Variants in GLS2 observed in about 807,000 individuals in gnomAD.
GLS2 encodes glutaminase 2.
GLS2 carries 52 observed loss-of-function variants against 79.0 expected under a neutral mutation model. The observed-to-expected ratio is 0.66, with a 90% confidence interval of 0.53 to 0.83. The LOEUF (loss-of-function observed/expected upper bound fraction) is 0.83, where lower values mean the gene tolerates loss of function less well. Among genes scored for constraint, GLS2 ranks in the 40% least tolerant of loss-of-function variants. The pLI is 0.00. For synonymous variants in GLS2, 238 were observed against 280.8 expected (o/e 0.85, Z 1.52); for missense variants, 561 against 764.8 (o/e 0.73, Z 3.14).
chr12:56,473,727 A>G, intron 12 of GLS2, 133 bp from the exon 13 acceptor site: 1 of 1,096,748 alleles, frequency 9.1e-7, no homozygotes, highest in Non-Finnish European at 1.3e-6. Context: ...TTGGCTTGTT[A>G]ATTAGCTTCT....
intron 1 of GLS2, among the ~76,000 whole-genome samples, chr12:56,481,407 C>A (rs1173521143): frequency 6.6e-6 from 1 of 150,724 alleles, no homozygotes; most frequent in East Asian, 2.0e-4. Context: ...GGGGTTTCAC[C>A]ATTTCGGTCA....
Position 56,471,038 on chromosome 12 carries a change from G to A in GLS2, c.*449C>T, listed in dbSNP as rs1013758534. 1 of 263,214 alleles carries A rather than the reference G, an allele frequency of 3.8e-6. No individual in the cohort carries two copies. Among genetic ancestry groups the A allele is most frequent in the African/African-American group, 2.2e-5 (1 of 45,564 alleles). 16.3% of individuals were successfully genotyped at this position (263,214 alleles called of 1,614,324 possible). A position where few individuals can be genotyped will look rare whatever the true frequency, so the allele number is the denominator to read the frequency against. On this transcript the variant is annotated 3_prime_UTR_variant, in exon 18 of 18. Transcript: ENST00000311966. ...TTAGCAGTAGCAGCAGCATGTCCTGGCCAAGGGGAGTAGATTTCTCCAGAC... is the reference window on the plus strand; with the variant it reads ...TTAGCAGTAGCAGCAGCATGTCCTGACCAAGGGGAGTAGATTTCTCCAGAC...
At chr12:56,477,525 C>T (rs1338780706) in intron 7 of GLS2, 135 bp downstream of exon 7, 2 of 823,890 alleles carry the variant, frequency 2.4e-6, no homozygotes, top group Non-Finnish European at 3.9e-6. Flanking sequence ...CCTGCTGTGC[C>T]TCATGTGCCT....
At position 56,471,452 on chromosome 12, in the gene GLS2, CT is replaced by C; in HGVS notation, c.*34del. On this transcript the variant is annotated 3_prime_UTR_variant, in exon 18 of 18. Transcript: ENST00000311966. ...GGATTACATGTGTGGCCAGCTCATG[CT>C]TTTTCTTGAGCAGGGGCTGTCCATG... The C allele has an allele frequency of 1.3e-6, 2 of 1,581,556 alleles. No homozygotes were observed. The highest frequency in any genetic ancestry group is 2.2e-5 in the East Asian group (1 of 44,604).
At chr12:56,484,563 C>T (rs988641347) in intron 1 of GLS2, among the ~76,000 whole-genome samples, 2 of 152,014 alleles carry the variant, frequency 1.3e-5, no homozygotes, top group East Asian at 1.9e-4. Flanking sequence ...AAGCTAATGC[C>T]TATAGGGGGG....
chr12:56,487,606 G>T, intron 1 of GLS2: 1 of 412,788 alleles, frequency 2.4e-6, no homozygotes, highest in Non-Finnish European at 4.3e-6. Flanking sequence ...GACTAGGGAA[G>T]GTGAGGACTG....
At chr12:56,473,856 G>A in intron 12 of GLS2, 1 of 388,070 alleles carries the variant, frequency 2.6e-6, no homozygotes, top group Non-Finnish European at 4.6e-6. Context: ...TTCCATTCTG[G>A]TGTTAGGAGA....
chr12:56,481,826 G>A (rs1870323276), intron 1 of GLS2, among the ~76,000 whole-genome samples: 1 of 151,622 alleles, frequency 6.6e-6, no homozygotes, highest in Non-Finnish European at 1.5e-5. Flanking sequence ...AGGAGTCAGA[G>A]GTTGCAGTGA....
At position 56,488,052 on chromosome 12, in the gene GLS2, A is replaced by G. The variant is rs1264405758; in HGVS notation, c.67T>C (p.Trp23Arg). ...RAGSHCGRGG[W>R]GHPSRSPLLG... ...AGGGGGCTCCGGCTCGGGTGACCCC[A>G]GCCTCCTCGCCCGCAGTGACTGCCA... Residue 23 changes from tryptophan (W) to arginine (R), a missense_variant, in exon 1 of 18, where the codon TGG (tryptophan) becomes CGG (arginine). Around this residue, in one of 4 missense-constraint regions of GLS2, gnomAD observed 161 missense variants for 167.8 expected, o/e 0.96. Transcript: ENST00000311966. 6.3e-7 allele frequency: 1 copy of G among 1,586,998 alleles called. No homozygotes were observed. The highest frequency in any genetic ancestry group is 8.5e-7 in the Non-Finnish European group (1 of 1,173,694).
intron 15 of GLS2, 194 bp downstream of exon 15, chr12:56,472,496 C>A: frequency 1.6e-6 from 1 of 617,664 alleles, no homozygotes; most frequent in Non-Finnish European, 2.8e-6. Context: ...CAATGGCTAA[C>A]ATTAATTATC....
At chr12:56,475,761 T>C in intron 8 of GLS2, 79 bp from the exon 9 acceptor site, 4 of 1,508,080 alleles carry the variant, frequency 2.7e-6, no homozygotes, top group Non-Finnish European at 3.7e-6. Context: ...CTAGCCCTTC[T>C]GAACTCAGGT....
At chr12:56,482,197 C>T (rs1430833866) in intron 1 of GLS2, among the ~76,000 whole-genome samples, 1 of 152,082 alleles carries the variant, frequency 6.6e-6, no homozygotes, top group Admixed American at 6.6e-5. Context: ...TGCCACTGCA[C>T]TCCAGCCTGG....
intron 1 of GLS2, among the ~76,000 whole-genome samples, chr12:56,481,586 A>C (rs1444252322): frequency 6.6e-6 from 1 of 151,690 alleles, no homozygotes; most frequent in Non-Finnish European, 1.5e-5. Flanking sequence ...TGCCTACAGA[A>C]TAAGCACTTG....
chr12:56,475,944 C>G lies in GLS2; in HGVS notation c.870+1G>C. The G allele has an allele frequency of 1.2e-6, 2 of 1,613,724 alleles. No individual in the cohort carries two copies. Among genetic ancestry groups the G allele is most frequent in the Non-Finnish European group, 1.7e-6 (2 of 1,179,946 alleles). ...AGGGGCTAAGTAGCAAGGGAACTTA[C>G]AAAATCAAACTTCTCTGCTTTGTTA... On this transcript the variant is annotated splice_donor_variant, in intron 8 of 17. Transcript: ENST00000311966. LOFTEE classifies it high-confidence loss of function.
chr12:56,473,719 G>T, intron 12 of GLS2, 125 bp from the exon 13 acceptor site: 2 of 1,215,816 alleles, frequency 1.6e-6, no homozygotes, highest in Non-Finnish European at 2.2e-6. Flanking sequence ...TCAACCTTTT[G>T]GCTTGTTAAT....
rs2136193867 is a variant in GLS2, at chr12:56,483,032, A to G, written c.183-2645T>C. 2.0e-5 allele frequency among the ~76,000 whole-genome samples: 3 copies of G among 152,128 alleles called. No homozygotes were observed. In the Middle Eastern group the frequency reaches 0.01, roughly 521 times the overall value. On this transcript the variant is annotated intron_variant, in intron 1 of 17. Coordinates refer to ENST00000311966, the MANE Select transcript of GLS2 (RefSeq NM_013267.4). Reference sequence around the variant, plus strand: ...TATACTCACACACCTCAAAAATAACATATTTACAATTATTCATCACATTGT... The same window carrying G: ...TATACTCACACACCTCAAAAATAACGTATTTACAATTATTCATCACATTGT...
chr12:56,488,114 C>A lies in GLS2; in HGVS notation c.5G>T (p.Arg2Leu). The A allele has an allele frequency of 6.5e-7, 1 of 1,541,882 alleles. No homozygotes were observed. The highest frequency in any genetic ancestry group is 8.7e-7 in the Non-Finnish European group (1 of 1,151,558). ...GGCCTTCTGCAGAGCCTTCATGGAG[C>A]GCATGCCCCAGCAAGCCTCCGGCTC... Reference protein sequence around the residue: MRSMKALQKALS... With the variant: MLSMKALQKALS... The change falls in exon 1 of 18, where the codon CGC (arginine) becomes CTC (leucine). Residue 2 changes from arginine to leucine, a missense_variant. Coordinates refer to ENST00000311966, the MANE Select transcript of GLS2 (RefSeq NM_013267.4).
At chr12:56,477,451 T>C in intron 7 of GLS2, 1 of 514,134 alleles carries the variant, frequency 1.9e-6, no homozygotes, top group South Asian at 2.6e-5. Context: ...GGAACAGTAC[T>C]GAGTGGGGAT....
chr12:56,474,054 A>G (rs1255575456), intron 12 of GLS2: 3 of 185,064 alleles, frequency 1.6e-5, no homozygotes, highest in East Asian at 3.3e-4. Context: ...GTGAAGCACA[A>G]TTCAGGAGCT....
Sources: gnomAD v4.1 joint callset for allele counts (sites outside exome capture counted in the v4.1 genomes callset) on GRCh38, gnomAD v4.1.1 for gene constraint, gnomAD v4.1.1 regional missense constraint, MANE v1.5 for transcripts, NCBI Gene and HGNC (gene_info 2026-07-23, HGNC 2026-07-21) for gene names.